The following SASH1 variants were observed in gnomAD, a reference collection of about 807,000 sequenced individuals.
SASH1 encodes the protein SAM and SH3 domain-containing protein 1.
A neutral mutation model predicts 125.2 loss-of-function variants in SASH1; 44 were observed. The observed-to-expected ratio is 0.35, with a 90% confidence interval of 0.28 to 0.45. The LOEUF is 0.45. SASH1 is among the 20% of genes least tolerant of loss of function. The pLI is 1.00. For synonymous variants in SASH1, 639 were observed against 649.1 expected, an observed-to-expected ratio of 0.98 and a Z score of 0.24; for missense variants, 1,426 against 1,614.5, an observed-to-expected ratio of 0.88 and a Z score of 2.00.
intron 1 of SASH1, among the ~76,000 whole-genome samples, chr6:148,330,873 A>T (rs930290758): frequency 6.6e-6 from 1 of 152,200 alleles, no homozygotes; most frequent in African/African-American, 2.4e-5. Flanking sequence ...GGTGTGAGCT[A>T]CCGTGCCTGG....
chr6:148,230,321 A>G, the SASH1 span, among the ~76,000 whole-genome samples: 1 of 152,020 alleles, frequency 6.6e-6, no homozygotes, highest in Non-Finnish European at 1.5e-5. Flanking sequence ...ATTGATCAAT[A>G]TAAGAGATTT....
chr6:148,270,684 C>CA (rs67378590), upstream of SASH1, among the ~76,000 whole-genome samples: 2 of 151,694 alleles, frequency 1.3e-5, no homozygotes, highest in Admixed American at 6.6e-5. Flanking sequence ...CTTTTGAAAA[C>CA]AAAAAAACAA....
At chr6:148,394,122 A>ACCTCAGATGATCCTCCCGG (rs1469481803) in intron 2 of SASH1, among the ~76,000 whole-genome samples, 7 of 151,944 alleles carry the variant, frequency 4.6e-5, no homozygotes, top group Admixed American at 3.3e-4. Flanking sequence ...CGAACTCCCG[A>ACCTCAGATGATCCTCCCGG]CCTCAGATGA....
At chr6:148,290,564 C>T (rs973204077) in intron 1 of SASH1, among the ~76,000 whole-genome samples, 15 of 152,004 alleles carry the variant, frequency 9.9e-5, no homozygotes, top group Non-Finnish European at 1.8e-4. Flanking sequence ...CAAGATCGTG[C>T]CACTGCACTC....
chr6:148,314,347 A>AG (rs1408845924), intron 1 of SASH1, among the ~76,000 whole-genome samples: 1 of 152,234 alleles, frequency 6.6e-6, no homozygotes, highest in East Asian at 1.9e-4. Context: ...TACAAAACAA[A>AG]AAGTACTTGA....
chr6:148,443,628 G>T (rs1776651583), intron 4 of SASH1, among the ~76,000 whole-genome samples: 3 of 151,652 alleles, frequency 2.0e-5, no homozygotes, highest in Admixed American at 1.3e-4. Flanking sequence ...CAGTGTTACT[G>T]TGATGGTTGC....
At chr6:148,431,408 A>G (rs1776056415) in intron 2 of SASH1, among the ~76,000 whole-genome samples, 2 of 152,152 alleles carry the variant, frequency 1.3e-5, no homozygotes, top group Admixed American at 6.5e-5. Flanking sequence ...CATGTTGGCC[A>G]GGCTGGTCTC....
At chr6:148,460,971 A>G (rs1369753553) in intron 4 of SASH1, among the ~76,000 whole-genome samples, 1 of 152,226 alleles carries the variant, frequency 6.6e-6, no homozygotes, top group Non-Finnish European at 1.5e-5. Flanking sequence ...GTGGAATGGG[A>G]ACAGCGAGTC....
chr6:148,425,368 G>A (rs140356309), intron 2 of SASH1, among the ~76,000 whole-genome samples: 13 of 152,184 alleles, frequency 8.5e-5, no homozygotes, highest in African/African-American at 1.9e-4. Context: ...AGAAATTGCC[G>A]TATTTCTGTT....
At chr6:148,525,011 T>G in intron 10 of SASH1, 1 of 393,146 alleles carries the variant, frequency 2.5e-6, no homozygotes, top group Non-Finnish European at 4.7e-6. Context: ...CTTTTGTTTT[T>G]TAGGCTTTTT....
intron 2 of SASH1, among the ~76,000 whole-genome samples, chr6:148,432,473 A>G (rs1776104636): frequency 6.6e-6 from 1 of 152,226 alleles, no homozygotes; most frequent in Non-Finnish European, 1.5e-5. Context: ...ACAGCAGTTC[A>G]GAGCTTGGGT....
chr6:148,290,461 C>T (rs1384067030), intron 1 of SASH1, among the ~76,000 whole-genome samples: 1 of 151,690 alleles, frequency 6.6e-6, no homozygotes, highest in Non-Finnish European at 1.5e-5. Flanking sequence ...AAAAAATTAG[C>T]CGGGCGTGGT....
At chr6:148,336,438 A>G (rs1271367355) in intron 1 of SASH1, among the ~76,000 whole-genome samples, 3 of 152,118 alleles carry the variant, frequency 2.0e-5, no homozygotes, top group African/African-American at 7.2e-5. Flanking sequence ...TCAGCCTCCC[A>G]AAGTGCTGGG....
chr6:148,258,192 C>T, the SASH1 span, among the ~76,000 whole-genome samples: 1 of 152,088 alleles, frequency 6.6e-6, no homozygotes, highest in East Asian at 1.9e-4. Flanking sequence ...GAATTATAGG[C>T]ATACCACCAT....
At chr6:148,512,453 C>G in intron 8 of SASH1, 3 of 984,842 alleles carry the variant, frequency 3.0e-6, no homozygotes, top group Non-Finnish European at 3.6e-6. Context: ...ATATGTAATT[C>G]CATGAACTGT....
At chr6:148,276,364 C>A (rs1003401939) in intron 1 of SASH1, among the ~76,000 whole-genome samples, 2 of 152,144 alleles carry the variant, frequency 1.3e-5, no homozygotes, top group Non-Finnish European at 2.9e-5. Context: ...TTCTGTCCAG[C>A]CTTGGACTCT....
At chr6:148,375,289 G>A (rs1390290397) in intron 1 of SASH1, among the ~76,000 whole-genome samples, 1 of 152,074 alleles carries the variant, frequency 6.6e-6, no homozygotes, top group East Asian at 1.9e-4. Flanking sequence ...ACCACACCTG[G>A]CCACAACATG....
At chr6:148,520,093 T>G in intron 10 of SASH1, 200 bp downstream of exon 10, 1 of 564,512 alleles carries the variant, frequency 1.8e-6, no homozygotes, top group Non-Finnish European at 3.1e-6. Flanking sequence ...CTGCAGCTGC[T>G]CCGGCAGAAA....
intron 1 of SASH1, among the ~76,000 whole-genome samples, chr6:148,312,504 G>A (rs919955174): frequency 2.6e-5 from 4 of 152,104 alleles, no homozygotes; most frequent in African/African-American, 9.7e-5. Context: ...GTGAGATCCT[G>A]CTATTAATAA....
Sources: allele counts gnomAD v4.1 joint callset (sites outside exome capture counted in the v4.1 genomes callset), GRCh38; gene constraint gnomAD v4.1.1; transcripts MANE v1.5; gene names NCBI Gene and HGNC (gene_info 2026-07-23, HGNC 2026-07-21).